Variants in TASOR2 observed in about 807,000 individuals in gnomAD.
TASOR2 encodes the protein transcription activation suppressor family member 2, also known as protein TASOR 2.
Under a neutral mutation model 199.5 loss-of-function variants are expected in TASOR2, and 84 were observed. That is an observed-to-expected ratio of 0.42 (90% CI 0.35 to 0.50). The LOEUF (loss-of-function observed/expected upper bound fraction) is 0.50, where lower values mean the gene tolerates loss of function less well. TASOR2 is among the 20% of genes least tolerant of loss of function. TASOR2 has a pLI of 0.02. For missense variants in TASOR2, 2,796 were observed against 2,835.9 expected (o/e 0.99, Z 0.32); for synonymous variants, 1,103 against 1,046.6 (o/e 1.05, Z -1.04).
chr10:5,731,251 A>G, intron 11 of TASOR2, 48 bp downstream of exon 12: 2 of 1,541,470 alleles, frequency 1.3e-6, no homozygotes, highest in South Asian at 2.4e-5. Context: ...AGTTGTGGCC[A>G]GGCGTTGGTG....
At chr10:5,735,516 A>G in exon 12 of TASOR2, 1 of 1,613,828 alleles carries the variant, frequency 6.2e-7, no homozygotes, top group Non-Finnish European at 8.5e-7. Context: ...AGGCAATGAG[A>G]ACCCCAGAAA....
chr10:5,709,580 T>C (rs1588665662), intron 1 of TASOR2: 1 of 1,231,030 alleles, frequency 8.1e-7, no homozygotes, highest in East Asian at 3.2e-5. Flanking sequence ...TCTGAGGGTA[T>C]ACTTGGTGAA....
intron 6 of TASOR2, among the ~76,000 whole-genome samples, chr10:5,721,356 G>A (rs1240541685): frequency 6.6e-6 from 1 of 152,118 alleles, no homozygotes; most frequent in Non-Finnish European, 1.5e-5. Context: ...TAGAATAGCT[G>A]TTACATGTAT....
At chr10:5,732,067 G>A (rs1434401320) in intron 11 of TASOR2, among the ~76,000 whole-genome samples, 1 of 152,214 alleles carries the variant, frequency 6.6e-6, no homozygotes, top group Non-Finnish European at 1.5e-5. Flanking sequence ...TTAGAGTCTT[G>A]AGCTACTTAG....
At chr10:5,693,884 C>T (rs959471463) in intron 1 of TASOR2, among the ~76,000 whole-genome samples, 1 of 152,184 alleles carries the variant, frequency 6.6e-6, no homozygotes. Flanking sequence ...CTTTGGTGAA[C>T]AGACAATGCC....
In TASOR2 at chr10:5,748,023, C is replaced by G; in HGVS notation, c.4602C>G (p.Cys1534Trp). Residue 1534 changes from cysteine (C) to tryptophan (W), a missense_variant, in exon 15 of 21, where the codon TGC becomes TGG. Physicochemically the swap from Cys to Trp is radical, Grantham distance 215 (BLOSUM62 -2). Coordinates refer to ENST00000328090, the Ensembl canonical transcript of TASOR2. This position sits in a 1 kb window ranked among gnomAD's most constrained non-coding sequence, Gnocchi z 5.1. ...ACCAGCCTGCCTCAGCTGCCAAATG[C>G]ACAGGTGACTTCAGTCCTTCTCCTG... 1 of 1,614,148 alleles carries G rather than the reference C, an allele frequency of 6.2e-7. No homozygotes were observed. The highest frequency in any genetic ancestry group is 8.5e-7 in the Non-Finnish European group (1 of 1,180,032).
At position 5,742,467 on chromosome 10, in the gene TASOR2, A is replaced by C; in HGVS notation, c.2698A>C (p.Arg900=). ...AAATGAACAGAAAAAAACTTTTGCAAGAGAGTGTGATCCAGACACCCAAGA... is the reference window on the plus strand; with the variant it reads ...AAATGAACAGAAAAAAACTTTTGCACGAGAGTGTGATCCAGACACCCAAGA... The change falls in exon 14 of 21, where the codon AGA becomes CGA. Residue 900 remains arginine, a synonymous_variant. Transcript: ENST00000328090. This position sits in a 1 kb window ranked among gnomAD's most constrained non-coding sequence, Gnocchi z 4.2. 6.2e-7 allele frequency: 1 copy of C among 1,614,078 alleles called. No homozygotes were observed. Among genetic ancestry groups the C allele is most frequent in the South Asian group, 1.1e-5 (1 of 91,088 alleles).
At chr10:5,724,146 G>C (rs920371850) in intron 7 of TASOR2, among the ~76,000 whole-genome samples, 1 of 151,128 alleles carries the variant, frequency 6.6e-6, no homozygotes, top group African/African-American at 2.4e-5. Flanking sequence ...GAAATTTCTT[G>C]GTCATTTAGG....
In TASOR2 at chr10:5,719,855, T is replaced by C. The variant is rs1386067194; in HGVS notation, c.-99-689T>C. ...GATCATAGTTCAGATTGGAAACTCA[T>C]CTTTTGAAATTTTAGATTTTGTCCT... On this transcript the variant is annotated intron_variant, in intron 3 of 20. Coordinates refer to ENST00000328090, the Ensembl canonical transcript of TASOR2. The surrounding 1 kb of genome is among the most constrained non-coding windows in gnomAD (Gnocchi z 4.1). 6.6e-6 allele frequency among the ~76,000 whole-genome samples: 1 copy of C among 152,170 alleles called. No individual in the cohort carries two copies. Among genetic ancestry groups the C allele is most frequent in the African/African-American group, 2.4e-5 (1 of 41,454 alleles).
chr10:5,716,892 A>G (rs1832719339), intron 2 of TASOR2, among the ~76,000 whole-genome samples: 1 of 149,128 alleles, frequency 6.7e-6, no homozygotes, highest in Non-Finnish European at 1.5e-5. Context: ...CTGTCTCTAA[A>G]TATAAATGTA....
At chr10:5,746,279 A>G in exon 15 of TASOR2, 1 of 1,614,086 alleles carries the variant, frequency 6.2e-7, no homozygotes, top group Non-Finnish European at 8.5e-7. Flanking sequence ...GTTCCTAGTG[A>G]AGAAGAAATT....
chr10:5,689,618 G>A lies in TASOR2; in HGVS notation c.-288+4443G>A, dbSNP rs1297879642. On this transcript the variant is annotated intron_variant, in intron 1 of 20. Transcript: ENST00000328090. The surrounding 1 kb of genome is among the most constrained non-coding windows in gnomAD (Gnocchi z 4.1). Reference sequence around the variant, plus strand: ...CCATCTCAAAAAAACAAAAAAACAAGCATGTATGTATCTTGCTTGGGATTG... The same window carrying A: ...CCATCTCAAAAAAACAAAAAAACAAACATGTATGTATCTTGCTTGGGATTG... Among the ~76,000 whole-genome samples the A allele has an allele frequency of 6.6e-6, 1 of 152,102 alleles. No individual in the cohort carries two copies. Among genetic ancestry groups the A allele is most frequent in the African/African-American group, 2.4e-5 (1 of 41,410 alleles).
At chr10:5,727,018 T>C in intron 9 of TASOR2, 43 bp from the exon 11 acceptor site, 1 of 1,613,770 alleles carries the variant, frequency 6.2e-7, no homozygotes, top group East Asian at 2.2e-5. Context: ...CTTTATAAGA[T>C]CAACAACCTA....
exon 15 of TASOR2, chr10:5,746,182 A>G (rs771095233): frequency 9.2e-6 from 14 of 1,525,850 alleles, no homozygotes; most frequent in Non-Finnish European, 1.2e-5. Flanking sequence ...GTTTCAGGTA[A>G]CTGGGGAAGA....
chr10:5,693,353 C>A lies in TASOR2; in HGVS notation c.-288+8178C>A, dbSNP rs572408335. On this transcript the variant is annotated intron_variant, in intron 1 of 20. Transcript: ENST00000328090. ...ATTGACTTTGCGCTTCAAGTATTTG[C>A]AGGTTATTACCTTAGTTTTTACTCC... Among the ~76,000 whole-genome samples the A allele has an allele frequency of 1.1e-4, 17 of 152,292 alleles. No individual in the cohort carries two copies. The South Asian group carries it at 3.5e-3, about 32-fold the overall frequency.
chr10:5,740,692 T>C lies in TASOR2; in HGVS notation c.2327+195T>C, dbSNP rs1182087721. On this transcript the variant is annotated intron_variant, in intron 13 of 20. Coordinates refer to ENST00000328090, the Ensembl canonical transcript of TASOR2. This position sits in a 1 kb window ranked among gnomAD's most constrained non-coding sequence, Gnocchi z 5.3. Reference sequence around the variant, plus strand: ...TAACAGGCTGGTTTTCCCCCTGTGCTCATGTGGAGAAGTTTTTAAAGATAA... The same window carrying C: ...TAACAGGCTGGTTTTCCCCCTGTGCCCATGTGGAGAAGTTTTTAAAGATAA... Among the ~76,000 whole-genome samples the C allele has an allele frequency of 2.0e-5, 3 of 152,204 alleles. No homozygotes were observed. The highest frequency in any genetic ancestry group is 4.1e-4 in the South Asian group (2 of 4,826).
At position 5,720,587 on chromosome 10, in the gene TASOR2, C is replaced by G. The variant is rs1301222463; in HGVS notation, c.-56C>G. On this transcript the variant is annotated 5_prime_UTR_variant, in exon 4 of 21. Coordinates refer to ENST00000328090, the Ensembl canonical transcript of TASOR2. This position sits in a 1 kb window ranked among gnomAD's most constrained non-coding sequence, Gnocchi z 5.3. Reference sequence around the variant, plus strand: ...TCAGGCAACACCGTTATTGAACGACCCAGACAGATCTGTCCTTATGTAATT... The same window carrying G: ...TCAGGCAACACCGTTATTGAACGACGCAGACAGATCTGTCCTTATGTAATT... 5 of 1,612,020 alleles carry G rather than the reference C, an allele frequency of 3.1e-6. No individual in the cohort carries two copies. Among genetic ancestry groups the G allele is most frequent in the Non-Finnish European group, 4.2e-6 (5 of 1,179,538 alleles).
rs75381438 is a variant in TASOR2 at position 5,750,310 on chromosome 10, C to T, written c.6606+283C>T. On this transcript the variant is annotated intron_variant, in intron 15 of 20. Transcript: ENST00000328090. The surrounding 1 kb of genome is among the most constrained non-coding windows in gnomAD (Gnocchi z 5.4). Reference sequence around the variant, plus strand: ...CCCATACTTCAAGTGTAAATACAAACACATTCCGATGTTAAAATACAGATT... The same window carrying T: ...CCCATACTTCAAGTGTAAATACAAATACATTCCGATGTTAAAATACAGATT... Among the ~76,000 whole-genome samples the T allele has an allele frequency of 0.014, 2,077 of 152,252 alleles. 48 individuals are homozygous for T. The highest frequency in any genetic ancestry group is 0.048 in the African/African-American group (1,985 of 41,542).
rs1564294999 is a variant in TASOR2, at chr10:5,722,679, AT to A, written c.147-997del. Among the ~76,000 whole-genome samples, 1 of 152,106 alleles carries A rather than the reference AT, an allele frequency of 6.6e-6. No homozygotes were observed. Among genetic ancestry groups the A allele is most frequent in the Non-Finnish European group, 1.5e-5 (1 of 68,012 alleles). On this transcript the variant is annotated intron_variant, in intron 6 of 20. Coordinates refer to ENST00000328090, the Ensembl canonical transcript of TASOR2. The surrounding 1 kb of genome is among the most constrained non-coding windows in gnomAD (Gnocchi z 4.0). ...TTTGTCCTATGTTTGCAACTTTTGT[AT>A]AAGTGTAAAAGCATTTTAAAATGAG...
Sources: allele counts gnomAD v4.1 joint callset (sites outside exome capture counted in the v4.1 genomes callset), GRCh38; gene constraint gnomAD v4.1.1; non-coding constraint Gnocchi (gnomAD v3.1); transcripts MANE v1.5; gene names NCBI Gene and HGNC (gene_info 2026-07-23, HGNC 2026-07-21).